Variants in HNRNPC observed in about 807,000 individuals in gnomAD.
HNRNPC encodes heterogeneous nuclear ribonucleoproteins C1/C2.
Under a neutral mutation model 33.2 loss-of-function variants are expected in HNRNPC, and 3 were observed. The ratio of observed to expected loss-of-function variants is 0.09; its 90% CI spans 0.04 to 0.23. HNRNPC has a LOEUF of 0.23. Ranked by LOEUF, HNRNPC falls within the 10% of genes least tolerant of loss-of-function variation. The probability of loss-of-function intolerance (pLI) is 1.00; values close to 1 mark genes in which losing one functional copy is unlikely to be tolerated. For synonymous variants in HNRNPC, 121 were observed against 126.7 expected (o/e 0.96, Z 0.30); for missense variants, 143 against 366.7 (o/e 0.39, Z 4.98).
intron 5 of HNRNPC, among the ~76,000 whole-genome samples, chr14:21,219,334 A>G (rs1053508878): frequency 2.0e-5 from 3 of 152,154 alleles, no homozygotes; most frequent in Admixed American, 6.5e-5. Context: ...CATTTTGTAA[A>G]TCAAATCTGA....
chr14:21,229,901 A>G (rs1893921869), intron 5 of HNRNPC, among the ~76,000 whole-genome samples: 1 of 152,208 alleles, frequency 6.6e-6, no homozygotes, highest in Non-Finnish European at 1.5e-5. Context: ...CGACAAGCCA[A>G]ATAAGTCTTA....
chr14:21,244,097 T>C (rs1367470408), intron 2 of HNRNPC, among the ~76,000 whole-genome samples: 2 of 151,986 alleles, frequency 1.3e-5, no homozygotes, highest in African/African-American at 4.8e-5. Context: ...GTTGCGATCT[T>C]CGATCACTGC....
At chr14:21,232,535 A>C (rs1344853534) in intron 3 of HNRNPC, among the ~76,000 whole-genome samples, 4 of 151,952 alleles carry the variant, frequency 2.6e-5, no homozygotes, top group Admixed American at 2.6e-4. Context: ...ACAGCCTGCT[A>C]ATTTTATTTT....
chr14:21,263,577 C>G (rs938462854), intron 1 of HNRNPC: 1 of 151,858 alleles, frequency 6.6e-6, no homozygotes, highest in East Asian at 1.9e-4. Flanking sequence ...TCCTCTAACC[C>G]AACTGCTGCA....
At chr14:21,222,706 T>C (rs948635772) in intron 5 of HNRNPC, among the ~76,000 whole-genome samples, 1 of 149,902 alleles carries the variant, frequency 6.7e-6, no homozygotes, top group African/African-American at 2.5e-5. Context: ...TCCTGGCAAA[T>C]ACGGTGAAAC....
Position 21,210,326 on chromosome 14 carries a change from G to GT in HNRNPC, c.*896dup, listed in dbSNP as rs1266587278. 6.6e-6 allele frequency: 1 copy of GT among 152,152 alleles called. No homozygotes were observed. The highest frequency in any genetic ancestry group is 1.5e-5 in the Non-Finnish European group (1 of 68,024). 9.4% of individuals were successfully genotyped at this position (152,152 alleles called of 1,614,324 possible). On this transcript the variant is annotated 3_prime_UTR_variant, in exon 9 of 9. Transcript: ENST00000553300. The stretch of plus-strand genomic sequence containing the variant: ...ATACTTCCCAAACTTTCATTAGGAT[G>GT]TAAAAGCCATTTTGAAAAAGTCTCC...
intron 2 of HNRNPC, among the ~76,000 whole-genome samples, chr14:21,251,281 A>AAAAAAAG (rs1396702674): frequency 6.0e-5 from 9 of 148,944 alleles, no homozygotes; most frequent in African/African-American, 1.5e-4. Context: ...AAAAAAAAAA[A>AAAAAAAG]AAAGACTTCA....
At chr14:21,228,988 G>A (rs1377154011) in intron 5 of HNRNPC, among the ~76,000 whole-genome samples, 1 of 151,454 alleles carries the variant, frequency 6.6e-6, no homozygotes, top group Admixed American at 6.6e-5. Flanking sequence ...GGGAGGCTGA[G>A]GCAGGAGAAT....
intron 2 of HNRNPC, among the ~76,000 whole-genome samples, chr14:21,244,696 T>C (rs1245618021): frequency 6.6e-6 from 1 of 152,218 alleles, no homozygotes; most frequent in African/African-American, 2.4e-5. Context: ...ACTGTGTTAA[T>C]GTCGTAAGAG....
chr14:21,259,708 A>G (rs1297045175), intron 2 of HNRNPC, among the ~76,000 whole-genome samples: 1 of 152,006 alleles, frequency 6.6e-6, no homozygotes, highest in Non-Finnish European at 1.5e-5. Flanking sequence ...CCTTTGTCCA[A>G]GCCAGGTCGT....
intron 2 of HNRNPC, among the ~76,000 whole-genome samples, chr14:21,247,935 G>T (rs924058527): frequency 2.0e-5 from 3 of 151,686 alleles, no homozygotes; most frequent in Non-Finnish European, 4.4e-5. Flanking sequence ...AGGTTGCAGT[G>T]AGCCGAGATC....
At chr14:21,256,681 C>T (rs1269938705) in intron 2 of HNRNPC, among the ~76,000 whole-genome samples, 1 of 151,928 alleles carries the variant, frequency 6.6e-6, no homozygotes, top group African/African-American at 2.4e-5. Flanking sequence ...TAGGGTCTTG[C>T]TCTGTCACCC....
intron 5 of HNRNPC, among the ~76,000 whole-genome samples, chr14:21,227,670 GTA>G (rs972931315): frequency 1.3e-5 from 2 of 152,164 alleles, no homozygotes; most frequent in Non-Finnish European, 2.9e-5. Context: ...TTTCTCTGCA[GTA>G]TATATCTCAT....
chr14:21,234,923 A>G (rs1032825336), intron 2 of HNRNPC: 2 of 146,432 alleles, frequency 1.4e-5, no homozygotes, highest in Non-Finnish European at 3.1e-5. Flanking sequence ...CTCGAAGGCT[A>G]CTTTTTATAT....
intron 4 of HNRNPC, chr14:21,230,710 T>C: frequency 2.0e-6 from 1 of 488,192 alleles, no homozygotes; most frequent in Admixed American, 3.7e-5. Context: ...CGATCCTGTA[T>C]AAGTATTTCA....
chr14:21,264,010 A>C (rs947085920), intron 1 of HNRNPC: 6 of 152,226 alleles, frequency 3.9e-5, no homozygotes, highest in African/African-American at 1.4e-4. Flanking sequence ...ACAATTCTTC[A>C]ACATCAATAG....
chr14:21,267,251 AAGG>A (rs1303385524), intron 1 of HNRNPC, among the ~76,000 whole-genome samples: 1 of 152,178 alleles, frequency 6.6e-6, no homozygotes, highest in Non-Finnish European at 1.5e-5. Context: ...TTATTTGCCT[AAGG>A]AGGATTAAAA....
At chr14:21,218,145 T>C (rs546499395) in intron 5 of HNRNPC, among the ~76,000 whole-genome samples, 28 of 152,154 alleles carry the variant, frequency 1.8e-4, no homozygotes, top group Non-Finnish European at 3.4e-4. Flanking sequence ...GTAATTTTAG[T>C]AGAGATGGGA....
chr14:21,211,146 C>T lies in HNRNPC; in HGVS notation c.*77G>A, dbSNP rs1012711895. 9 of 1,396,564 alleles carry T rather than the reference C, an allele frequency of 6.4e-6. No homozygotes were observed. Among genetic ancestry groups the T allele is most frequent in the Admixed American group, 3.5e-5 (2 of 57,502 alleles). 86.5% of individuals were successfully genotyped at this position (1,396,564 alleles called of 1,614,324 possible). On this transcript the variant is annotated 3_prime_UTR_variant, in exon 9 of 9. Coordinates refer to ENST00000553300, the MANE Select transcript of HNRNPC (RefSeq NM_004500.4). ...TGCTGAAGATACTAGGGGAGAGGAT[C>T]TGGTGAAAAATTTGATCTTAGACAA...
Sources: gnomAD v4.1 joint callset for allele counts (sites outside exome capture counted in the v4.1 genomes callset) on GRCh38, gnomAD v4.1.1 for gene constraint, MANE v1.5 for transcripts, NCBI Gene and HGNC (gene_info 2026-07-23, HGNC 2026-07-21) for gene names.